Variants in SYCP2L observed in about 807,000 individuals in gnomAD.
SYCP2L encodes the protein synaptonemal complex protein 2-like.
Under a neutral mutation model 125.8 loss-of-function variants are expected in SYCP2L, and 98 were observed. The observed-to-expected ratio is 0.78, with a 90% CI of 0.66 to 0.92. The LOEUF is 0.92. SYCP2L is among the 40% of genes least tolerant of loss of function. The pLI is 0.00. For missense variants in SYCP2L, 842 were observed against 936.4 expected, an observed-to-expected ratio of 0.90 and a Z score of 1.32; for synonymous variants, 317 against 325.4, an observed-to-expected ratio of 0.97 and a Z score of 0.28.
At chr6:10,923,126 A>G (rs965199056) in intron 14 of SYCP2L, among the ~76,000 whole-genome samples, 35 of 152,196 alleles carry the variant, frequency 2.3e-4, no homozygotes, top group African/African-American at 7.0e-4. Context: ...AGACTCATGT[A>G]TGTTTCCCTC....
At chr6:10,943,189 A>AT (rs1249890622) in intron 23 of SYCP2L, among the ~76,000 whole-genome samples, 3 of 152,214 alleles carry the variant, frequency 2.0e-5, no homozygotes, top group Non-Finnish European at 4.4e-5. Flanking sequence ...TAACAGTGGT[A>AT]TGAAGATTTC....
At position 10,887,078 on chromosome 6, in the gene SYCP2L, C is replaced by T. The variant is rs1780084165; in HGVS notation, c.-49C>T. ...GGGAAGCAGGAGAGGGCCGACCGAG[C>T]GCAACAAAGCTGAGCGGCGCGTCGC... On this transcript the variant is annotated 5_prime_UTR_variant, in exon 1 of 30. Coordinates refer to ENST00000283141, the MANE Select transcript of SYCP2L (RefSeq NM_001040274.3). 10 of 1,613,284 alleles carry T rather than the reference C, an allele frequency of 6.2e-6. No homozygotes were observed. The highest frequency in any genetic ancestry group is 1.3e-5 in the African/African-American group (1 of 75,048).
chr6:10,958,869 T>C lies in SYCP2L; in HGVS notation c.2249T>C (p.Leu750Pro). ...ATAAAACTTTTAAACCAGATGCAAC[T>C]GTTCAGGTAAGTTTTAGGTTTCAAA... ...CLIKLLNQMQ[L>P]FRLNKLERFQ... The change falls in exon 26 of 30, where the codon CTG becomes CCG. Residue 750 changes from leucine (L) to proline (P), a missense_variant. By Grantham distance (98) the Leu-to-Pro change is moderately conservative (BLOSUM62 -3). Transcript: ENST00000283141. 6.2e-7 allele frequency: 1 copy of C among 1,613,868 alleles called. No individual in the cohort carries two copies. Among genetic ancestry groups the C allele is most frequent in the Non-Finnish European group, 8.5e-7 (1 of 1,179,914 alleles).
intron 8 of SYCP2L, among the ~76,000 whole-genome samples, chr6:10,903,852 GA>G (rs1780436460): frequency 6.6e-6 from 1 of 151,416 alleles, no homozygotes; most frequent in Non-Finnish European, 1.5e-5. Flanking sequence ...TCAACGTTGT[GA>G]GGCAAAATGT....
At chr6:10,941,423 C>T (rs188455321) in intron 21 of SYCP2L, among the ~76,000 whole-genome samples, 1,668 of 152,216 alleles carry the variant, frequency 0.011, 34 homozygotes, top group African/African-American at 0.038. Context: ...GGCTAATATC[C>T]AGAATCTACA....
chr6:10,921,737 G>A (rs1282257148), intron 14 of SYCP2L, among the ~76,000 whole-genome samples: 5 of 148,992 alleles, frequency 3.4e-5, no homozygotes, highest in Non-Finnish European at 5.9e-5. Context: ...ATGGAGTCTC[G>A]CTCTGTCGCC....
At chr6:10,970,458 T>C (rs1486676123) in intron 29 of SYCP2L, among the ~76,000 whole-genome samples, 2 of 152,170 alleles carry the variant, frequency 1.3e-5, no homozygotes, top group Non-Finnish European at 2.9e-5. Context: ...GTCAAAGGAC[T>C]ATTTTCGAAG....
At chr6:10,887,212 A>G (rs778740615) in intron 1 of SYCP2L, 77 bp downstream of exon 1, 524 of 1,594,554 alleles carry the variant, frequency 3.3e-4, no homozygotes, top group Admixed American at 3.7e-4. Context: ...CCTGGGGCTC[A>G]GGTTCTGCCG....
chr6:10,903,266 C>A (rs558524529), intron 8 of SYCP2L, among the ~76,000 whole-genome samples: 1 of 151,948 alleles, frequency 6.6e-6, no homozygotes, highest in Non-Finnish European at 1.5e-5. Context: ...AACCCCATCT[C>A]GGCCAGGCGT....
intron 1 of SYCP2L, among the ~76,000 whole-genome samples, chr6:10,888,066 C>CTTTTTTTTTTTT (rs70991066): frequency 1.3e-5 from 1 of 74,316 alleles, no homozygotes; most frequent in African/African-American, 5.3e-5. Context: ...GTGTTACCAT[C>CTTTTTTTTTTTT]TTTTTTTTTT....
chr6:10,966,284 G>A (rs79428032), intron 29 of SYCP2L, among the ~76,000 whole-genome samples: 5,304 of 152,238 alleles, frequency 0.035, 236 homozygotes, highest in East Asian at 0.22. Flanking sequence ...TTAATTACCA[G>A]TAGATCTAGG....
chr6:10,931,043 C>T (rs1012701441), intron 19 of SYCP2L, among the ~76,000 whole-genome samples: 3 of 152,148 alleles, frequency 2.0e-5, no homozygotes, highest in Non-Finnish European at 4.4e-5. Context: ...TGGTGGTGTG[C>T]GCCTGTGGTC....
At chr6:10,928,119 G>A (rs897330247) in intron 17 of SYCP2L, among the ~76,000 whole-genome samples, 6 of 151,752 alleles carry the variant, frequency 4.0e-5, no homozygotes, top group African/African-American at 1.2e-4. Context: ...TGCAGTTAAC[G>A]CAATCATCAC....
At chr6:10,958,998 A>G (rs537540392) in intron 26 of SYCP2L, 123 bp downstream of exon 26, 6 of 779,998 alleles carry the variant, frequency 7.7e-6, no homozygotes, top group Admixed American at 5.4e-5. Flanking sequence ...GGATTGATAC[A>G]TCATTTAACC....
intron 21 of SYCP2L, among the ~76,000 whole-genome samples, chr6:10,935,548 G>A (rs1474592224): frequency 2.0e-5 from 3 of 150,600 alleles, no homozygotes; most frequent in African/African-American, 4.9e-5. Context: ...TTTTTGACAC[G>A]GAGTCTTGCT....
At chr6:10,950,952 C>T (rs1781399990) in intron 23 of SYCP2L, among the ~76,000 whole-genome samples, 1 of 151,956 alleles carries the variant, frequency 6.6e-6, no homozygotes, top group Non-Finnish European at 1.5e-5. Flanking sequence ...GAGCCACATG[C>T]CCAGCCAGAG....
At chr6:10,968,203 G>C (rs1044791481) in intron 29 of SYCP2L, among the ~76,000 whole-genome samples, 2 of 152,224 alleles carry the variant, frequency 1.3e-5, no homozygotes, top group African/African-American at 4.8e-5. Flanking sequence ...CAAGACATCT[G>C]TGATGATAAC....
intron 29 of SYCP2L, among the ~76,000 whole-genome samples, chr6:10,973,016 A>G (rs909326015): frequency 1.9e-4 from 29 of 152,206 alleles, no homozygotes; most frequent in African/African-American, 6.8e-4. Flanking sequence ...TTAATAAGGA[A>G]ACAGGGGAGA....
At chr6:10,898,680 C>A in intron 5 of SYCP2L, 144 bp from the exon 6 acceptor site, 1 of 632,144 alleles carries the variant, frequency 1.6e-6, no homozygotes, top group South Asian at 1.7e-5. Flanking sequence ...TGATTAAGGC[C>A]CAGATAGGCT....
Sources: gnomAD v4.1 joint callset for allele counts (sites outside exome capture counted in the v4.1 genomes callset) on GRCh38, gnomAD v4.1.1 for gene constraint, MANE v1.5 for transcripts, NCBI Gene and HGNC (gene_info 2026-07-23, HGNC 2026-07-21) for gene names.